HNRNPH1: variants seen among roughly 807,000 people sequenced by gnomAD.
HNRNPH1 encodes the protein heterogeneous nuclear ribonucleoprotein H1.
HNRNPH1 carries 4 observed loss-of-function variants against 58.6 expected under a neutral mutation model. The ratio of observed to expected loss-of-function variants is 0.07; its 90% CI spans 0.03 to 0.16. The LOEUF is 0.16. Among genes scored for constraint, HNRNPH1 ranks in the 10% least tolerant of loss-of-function variants. The pLI is 1.00. For missense variants in HNRNPH1, 271 were observed against 564.2 expected, an observed-to-expected ratio of 0.48 and a Z score of 5.26; for synonymous variants, 192 against 189.2, an observed-to-expected ratio of 1.01 and a Z score of -0.12.
Position 179,618,141 on chromosome 5 carries a change from G to T in HNRNPH1, c.715+4C>A, listed in dbSNP as rs4701143. 1 of 1,613,332 alleles carries T rather than the reference G, an allele frequency of 6.2e-7. No individual in the cohort carries two copies. Among genetic ancestry groups the T allele is most frequent in the South Asian group, 1.1e-5 (1 of 91,008 alleles). Reference sequence around the variant, plus strand: ...CTTGCCGAACCTTACGAATCCTCACGTACCTCCACCATAAGCACCACGCCT... The same window carrying T: ...CTTGCCGAACCTTACGAATCCTCACTTACCTCCACCATAAGCACCACGCCT... On this transcript the variant is annotated splice_donor_region_variant and intron_variant, in intron 5 of 12. Transcript: ENST00000356731.
At chr5:179,617,871 GAAAGTA>G in exon 7 of HNRNPH1, 1 of 1,612,806 alleles carries the variant, frequency 6.2e-7, no homozygotes, top group South Asian at 1.1e-5. Flanking sequence ...TTGTGCTCTG[GAAAGTA>G]GAGCCACCAT....
intron 7 of HNRNPH1, 32 bp from the exon 9 acceptor site, chr5:179,617,681 C>T: frequency 6.2e-7 from 1 of 1,607,994 alleles, no homozygotes; most frequent in Non-Finnish European, 8.5e-7. Context: ...AGAATTCAAC[C>T]AACTTTCTAA....
intron 2 of HNRNPH1, among the ~76,000 whole-genome samples, chr5:179,631,368 T>C (rs1774816208): frequency 6.6e-6 from 1 of 152,070 alleles, no homozygotes; most frequent in Non-Finnish European, 1.5e-5. Context: ...TCTCAGTACT[T>C]TGGGAGGCCA....
intron 10 of HNRNPH1, 46 bp from the exon 12 acceptor site, chr5:179,616,264 G>A (rs750002172): frequency 2.2e-6 from 3 of 1,365,130 alleles, no homozygotes; most frequent in East Asian, 2.3e-5. Context: ...TATGTGATGT[G>A]GTACCTGGTG....
Position 179,621,616 on chromosome 5 carries a change from T to C in HNRNPH1, c.98-219A>G, listed in dbSNP as rs1772376077. 4.1e-5 allele frequency: 23 copies of C among 561,168 alleles called. 1 individual carries two copies. The South Asian group carries it at 5.2e-4, about 13-fold the overall frequency. The allele number at this position is 561,168 out of a possible 1,614,324, so 34.8% of individuals were successfully genotyped here. A position where few individuals can be genotyped will look rare whatever the true frequency, so the allele number is the denominator to read the frequency against. ...CCAACCCATCAACAACATACAATATTCAAAGCAGTTTCAGAATGAATTTAT... is the reference window on the plus strand; with the variant it reads ...CCAACCCATCAACAACATACAATATCCAAAGCAGTTTCAGAATGAATTTAT... On this transcript the variant is annotated intron_variant, in intron 1 of 12. Coordinates refer to ENST00000356731, the Ensembl canonical transcript of HNRNPH1.
intron 3 of HNRNPH1, chr5:179,620,658 G>A: frequency 2.2e-6 from 1 of 464,444 alleles, no homozygotes; most frequent in Non-Finnish European, 3.9e-6. Flanking sequence ...CTCAATGAAA[G>A]ATCTACTCTG....
chr5:179,623,243 GC>G (rs986983746), exon 1 of HNRNPH1: 34 of 674,990 alleles, frequency 5.0e-5, no homozygotes, highest in Non-Finnish European at 7.1e-5. Context: ...GGCCCGCACC[GC>G]CCCCCCACGG....
At chr5:179,617,671 A>G in intron 7 of HNRNPH1, 22 bp from the exon 9 acceptor site, 1 of 1,608,810 alleles carries the variant, frequency 6.2e-7, no homozygotes, top group Non-Finnish European at 8.5e-7. Context: ...GGCATTTCAA[A>G]GAATTCAACC....
upstream of HNRNPH1, among the ~76,000 whole-genome samples, chr5:179,627,432 A>G (rs927731006): frequency 6.6e-6 from 1 of 151,532 alleles, no homozygotes; most frequent in African/African-American, 2.4e-5. Flanking sequence ...GCGTCAAGCA[A>G]TTCTCCCACC....
chr5:179,616,235 A>C lies in HNRNPH1; in HGVS notation c.1208-17T>G, dbSNP rs1331541999. The C allele has an allele frequency of 9.4e-6, 15 of 1,603,586 alleles. No homozygotes were observed. Among genetic ancestry groups the C allele is most frequent in the Non-Finnish European group, 1.2e-5 (14 of 1,170,424 alleles). On this transcript the variant is annotated splice_polypyrimidine_tract_variant and intron_variant, in intron 10 of 12. Transcript: ENST00000356731. ...ACTGGTTTGCTGTTAAGTTAAGAAA[A>C]CATTAGAACCTTTTTTCTTATGTGA... is the stretch of plus-strand genomic sequence containing the variant.
chr5:179,624,627 C>G (rs1774182185), exon 1 of HNRNPH1: 1 of 398,744 alleles, frequency 2.5e-6, no homozygotes, highest in Non-Finnish European at 4.4e-6. Flanking sequence ...CCCATGTGCA[C>G]ACATGCTGCG....
chr5:179,629,724 C>T (rs1029287588), intron 2 of HNRNPH1, among the ~76,000 whole-genome samples: 1 of 152,006 alleles, frequency 6.6e-6, no homozygotes. Flanking sequence ...TCATGGATTT[C>T]TTAATAATAT....
At chr5:179,623,051 T>C in exon 1 of HNRNPH1, 1 of 1,577,664 alleles carries the variant, frequency 6.3e-7, no homozygotes, top group Non-Finnish European at 8.6e-7. Context: ...AAAAAACCTC[T>C]GCACTTCATC....
At chr5:179,620,627 G>A (rs1288178121) in intron 3 of HNRNPH1, 2 of 368,312 alleles carry the variant, frequency 5.4e-6, no homozygotes, top group Non-Finnish European at 1.0e-5. Context: ...GAGGAAAGTA[G>A]TTAAGCTGTT....
At chr5:179,623,318 C>A in exon 1 of HNRNPH1, 1 of 463,162 alleles carries the variant, frequency 2.2e-6, no homozygotes, top group South Asian at 2.1e-5. Context: ...GGCGACCGGA[C>A]CCCCAAAGCT....
chr5:179,628,472 G>T (rs1774559237), upstream of HNRNPH1, among the ~76,000 whole-genome samples: 1 of 152,052 alleles, frequency 6.6e-6, no homozygotes. Context: ...TCCTACCTCA[G>T]CCTCCAGAGT....
chr5:179,631,566 T>C (rs372197431), intron 2 of HNRNPH1, among the ~76,000 whole-genome samples: 1 of 151,954 alleles, frequency 6.6e-6, no homozygotes, highest in African/African-American at 2.4e-5. Context: ...GCCAACATGG[T>C]GAAACCCCGC....
chr5:179,624,059 G>T (rs1050272945), exon 1 of HNRNPH1: 1 of 156,544 alleles, frequency 6.4e-6, no homozygotes, highest in Non-Finnish European at 1.4e-5. Context: ...GTTGTGATGA[G>T]GTGGGCGTCT....
intron 8 of HNRNPH1, 174 bp from the exon 10 acceptor site, chr5:179,617,284 T>C: frequency 1.4e-6 from 1 of 736,208 alleles, no homozygotes; most frequent in Non-Finnish European, 2.2e-6. Flanking sequence ...CCTTTACATA[T>C]TCATCTGTAT....
Sources: gnomAD v4.1 joint callset for allele counts (sites outside exome capture counted in the v4.1 genomes callset) on GRCh38, gnomAD v4.1.1 for gene constraint, MANE v1.5 for transcripts, NCBI Gene and HGNC (gene_info 2026-07-23, HGNC 2026-07-21) for gene names.